Variants in DST observed in about 807,000 individuals in gnomAD.
DST encodes the protein dystonin.
A neutral mutation model predicts 875.2 loss-of-function variants in DST; 253 were observed. The ratio of observed to expected loss-of-function variants is 0.29; its 90% confidence interval spans 0.26 to 0.32. The LOEUF is 0.32. Ranked by LOEUF, DST falls within the 10% of genes least tolerant of loss-of-function variation. The probability of loss-of-function intolerance (pLI) is 1.00; values close to 1 mark genes in which losing one functional copy is unlikely to be tolerated. For missense variants in DST, 8,287 were observed against 9,111.6 expected (o/e 0.91, Z 3.68); for synonymous variants, 3,124 against 3,197.1 (o/e 0.98, Z 0.77).
intron 3 of DST, among the ~76,000 whole-genome samples, chr6:56,872,825 C>CT (rs200028432): frequency 7.3e-6 from 1 of 136,084 alleles, no homozygotes; most frequent in Non-Finnish European, 1.5e-5. Flanking sequence ...CACTGATTCC[C>CT]CCCCCCCTTT....
At chr6:56,511,093 G>T (rs2152476913) in intron 73 of DST, 104 bp downstream of exon 73, 1 of 1,001,002 alleles carries the variant, frequency 1.0e-6, no homozygotes, top group Non-Finnish European at 1.5e-6. Flanking sequence ...AGTGAATGTG[G>T]TGAAATAATT....
intron 56 of DST, among the ~76,000 whole-genome samples, chr6:56,561,857 A>G (rs2097540028): frequency 6.6e-6 from 1 of 152,202 alleles, no homozygotes; most frequent in Non-Finnish European, 1.5e-5. Context: ...ATTAGGTCAA[A>G]TAACGTTATC....
intron 9 of DST, among the ~76,000 whole-genome samples, chr6:56,679,971 C>T (rs1435803517): frequency 1.3e-5 from 2 of 152,126 alleles, no homozygotes; most frequent in South Asian, 2.1e-4. Flanking sequence ...ATCCTTTCAC[C>T]TCCAACTTCC....
intron 74 of DST, among the ~76,000 whole-genome samples, chr6:56,509,331 C>T (rs941940822): frequency 2.0e-5 from 3 of 152,104 alleles, no homozygotes; most frequent in African/African-American, 7.2e-5. Flanking sequence ...GGAAAAAACC[C>T]CAGATATGGC....
At chr6:56,827,612 C>T (rs1364046759) in intron 4 of DST, among the ~76,000 whole-genome samples, 5 of 149,344 alleles carry the variant, frequency 3.3e-5, no homozygotes, top group African/African-American at 1.3e-4. Context: ...GAATATAGAA[C>T]GGTGGAGCTA....
intron 33 of DST, 61 bp from the exon 34 acceptor site, chr6:56,627,348 G>A: frequency 8.6e-7 from 1 of 1,159,368 alleles, no homozygotes; most frequent in Non-Finnish European, 1.3e-6. Flanking sequence ...TACTACATAA[G>A]ATGCTCAGTA....
At chr6:56,737,020 C>A (rs1010660428) in intron 4 of DST, among the ~76,000 whole-genome samples, 1 of 141,608 alleles carries the variant, frequency 7.1e-6, no homozygotes, top group Non-Finnish European at 1.5e-5. Flanking sequence ...ATGATGAAAT[C>A]CGTGTTTACA....
At chr6:56,572,490 CTT>C (rs1425219364) in intron 52 of DST, among the ~76,000 whole-genome samples, 2 of 152,144 alleles carry the variant, frequency 1.3e-5, no homozygotes, top group Non-Finnish European at 2.9e-5. Flanking sequence ...TATTTTGTCT[CTT>C]TGTGGCTTCT....
chr6:56,602,998 G>A lies in DST; in HGVS notation c.11191C>T (p.His3731Tyr), dbSNP rs766499989. ...KLAVSHEEFL[H>Y]KLKSFSDWVS... ...CAATCTGAGAATGACTTAAGTTTAT[G>A]CAGAAATTCTTCATGGGAAACTGCT... The change falls in exon 43 of 104, where the codon CAT becomes TAT. Residue 3731 changes from histidine (H) to tyrosine (Y), a missense_variant. Physicochemically the swap from His to Tyr is moderately conservative, Grantham distance 83. Around this residue, in one of 10 missense-constraint regions of DST, gnomAD observed 3,138 missense variants for 3,116.6 expected, o/e 1.01. Transcript: ENST00000680361. 1.0e-5 allele frequency: 16 copies of A among 1,586,460 alleles called. No homozygotes were observed. The highest frequency in any genetic ancestry group is 1.4e-5 in the African/African-American group (1 of 73,154).
chr6:56,835,639 C>T (rs1183928503), intron 4 of DST, among the ~76,000 whole-genome samples: 2 of 152,106 alleles, frequency 1.3e-5, no homozygotes, highest in Admixed American at 1.3e-4. Context: ...TTCCATATGC[C>T]CTATTTTATC....
intron 81 of DST, 120 bp from the exon 82 acceptor site, chr6:56,497,627 A>G: frequency 7.8e-7 from 1 of 1,276,770 alleles, no homozygotes; most frequent in Non-Finnish European, 1.1e-6. Context: ...ACAGCCAGGT[A>G]CCATTAGATT....
rs371964498 is a variant in DST, at chr6:56,704,365, C to T, written c.692G>A (p.Arg231Gln). 3.1e-5 allele frequency: 48 copies of T among 1,547,240 alleles called. No individual in the cohort carries two copies. The African/African-American group carries it at 4.8e-4, about 16-fold the overall frequency. ...TTCATAGAGATCATTCACATGTTTT[C>T]GAACCTATAAAGAGAAAAGCAAAAT... is the stretch of plus-strand genomic sequence containing the variant. ...KWINQHLMKVRKHVNDLYEDL... is the reference protein window; with the variant it reads ...KWINQHLMKVQKHVNDLYEDL... The change falls in exon 6 of 104, where the codon CGA (arginine) becomes CAA (glutamine). Residue 231 changes from arginine to glutamine, a missense_variant. By Grantham distance (43) the Arg-to-Gln change is conservative (BLOSUM62 1). Around this residue, in one of 10 missense-constraint regions of DST, gnomAD observed 1,160 missense variants for 1,424.3 expected, o/e 0.81. Coordinates refer to ENST00000680361, the MANE Select transcript of DST (RefSeq NM_001374736.1).
chr6:56,542,468 G>T (rs924462489), intron 61 of DST: 2 of 121,968 alleles, frequency 1.6e-5, no homozygotes, highest in African/African-American at 3.2e-5. Flanking sequence ...CATTTCCAAA[G>T]ATTCTTATCT....
At chr6:56,908,556 T>C (rs1398395580) in intron 2 of DST, among the ~76,000 whole-genome samples, 1 of 152,098 alleles carries the variant, frequency 6.6e-6, no homozygotes, top group South Asian at 2.1e-4. Flanking sequence ...AAAATCACAG[T>C]AGTTAGTAAA....
chr6:56,777,275 G>T (rs1214429513), intron 4 of DST, among the ~76,000 whole-genome samples: 3 of 152,076 alleles, frequency 2.0e-5, no homozygotes, highest in Non-Finnish European at 4.4e-5. Flanking sequence ...TAGATAAGAA[G>T]TAAGAGAAAT....
Position 56,573,857 on chromosome 6 carries a change from G to A in DST, c.13058C>T (p.Ser4353Phe). The change falls in exon 51 of 104, where the codon TCC becomes TTC. Residue 4353 changes from serine to phenylalanine, a missense_variant. By Grantham distance (155) the Ser-to-Phe change is radical. Coordinates refer to ENST00000680361, the MANE Select transcript of DST (RefSeq NM_001374736.1). ...TTCATTTCGTTCATTAACAGACTTG[G>A]ACAGATCCTCATATCTCCCAACAAT... ...DDIVGRYEDL[S>F]KSVNERNEKL... The A allele has an allele frequency of 6.2e-7, 1 of 1,613,048 alleles. No homozygotes were observed. Among genetic ancestry groups the A allele is most frequent in the South Asian group, 1.1e-5 (1 of 91,028 alleles).
Position 56,843,825 on chromosome 6 carries a change from G to C in DST, c.625+7572C>G, listed in dbSNP as rs187523725. Among the ~76,000 whole-genome samples the C allele has an allele frequency of 0.026, 3,916 of 151,640 alleles. 163 individuals are homozygous for C. Among genetic ancestry groups the C allele is most frequent in the African/African-American group, 0.086 (3,550 of 41,262 alleles). ...CCCCGGCTGGCTCAGCTCCGGCCCC[G>C]GCGCCTCTCGGCCCCTCCCTCCCAG... On this transcript the variant is annotated intron_variant, in intron 4 of 103. Coordinates refer to ENST00000680361, the MANE Select transcript of DST (RefSeq NM_001374736.1).
intron 3 of DST, among the ~76,000 whole-genome samples, chr6:56,854,736 G>T (rs1766999274): frequency 6.6e-6 from 1 of 152,166 alleles, no homozygotes; most frequent in Non-Finnish European, 1.5e-5. Flanking sequence ...AAGGGTCAGA[G>T]AAAATATGGA....
At chr6:56,862,558 C>T (rs1562214281) in intron 3 of DST, among the ~76,000 whole-genome samples, 2 of 152,088 alleles carry the variant, frequency 1.3e-5, no homozygotes, top group Non-Finnish European at 2.9e-5. Flanking sequence ...TCTTCATCTT[C>T]ATCTTCATCT....
Sources: gnomAD v4.1 joint callset for allele counts (sites outside exome capture counted in the v4.1 genomes callset) on GRCh38, gnomAD v4.1.1 for gene constraint, gnomAD v4.1.1 regional missense constraint, MANE v1.5 for transcripts, NCBI Gene and HGNC (gene_info 2026-07-23, HGNC 2026-07-21) for gene names.